Variants in SLC24A2 observed in about 807,000 individuals in gnomAD.
SLC24A2 encodes sodium/potassium/calcium exchanger 2.
Under a neutral mutation model 62.0 loss-of-function variants are expected in SLC24A2, and 36 were observed. The observed-to-expected ratio is 0.58, with a 90% CI of 0.44 to 0.77. SLC24A2 has a LOEUF of 0.77. Among genes scored for constraint, SLC24A2 ranks in the 30% least tolerant of loss-of-function variants. SLC24A2 has a pLI of 0.00. For synonymous variants in SLC24A2, 358 were observed against 294.0 expected, an observed-to-expected ratio of 1.22 and a Z score of -2.23; for missense variants, 846 against 817.9, an observed-to-expected ratio of 1.03 and a Z score of -0.42.
At chr9:20,026,941 C>G in the SLC24A2 span, among the ~76,000 whole-genome samples, 1 of 151,894 alleles carries the variant, frequency 6.6e-6, no homozygotes, top group Non-Finnish European at 1.5e-5. Flanking sequence ...GGGTTGATGT[C>G]CAAAATATAT....
At chr9:20,195,777 T>TAA in the SLC24A2 span, among the ~76,000 whole-genome samples, 1 of 151,998 alleles carries the variant, frequency 6.6e-6, no homozygotes, top group Non-Finnish European at 1.5e-5. Flanking sequence ...ATTTCCCACT[T>TAA]AAAATAGTCT....
the SLC24A2 span, among the ~76,000 whole-genome samples, chr9:20,056,525 G>A: frequency 6.6e-6 from 1 of 152,102 alleles, no homozygotes; most frequent in African/African-American, 2.4e-5. Flanking sequence ...TGAGTACACA[G>A]CTTTTCTTAA....
intron 2 of SLC24A2, among the ~76,000 whole-genome samples, chr9:19,716,471 T>C (rs1472219686): frequency 6.6e-6 from 1 of 152,216 alleles, no homozygotes; most frequent in African/African-American, 2.4e-5. Flanking sequence ...ACTACATGTA[T>C]GAAGGCTTTC....
intron 4 of SLC24A2, among the ~76,000 whole-genome samples, chr9:19,600,791 T>C (rs1836820736): frequency 6.6e-6 from 1 of 152,096 alleles, no homozygotes; most frequent in South Asian, 2.1e-4. Flanking sequence ...GCAAGAAAAA[T>C]GGGACCTAGA....
rs1823260502 is a variant in SLC24A2 at position 19,788,900 on chromosome 9, G to A, written c.-169C>T. On this transcript the variant is annotated 5_prime_UTR_variant, in exon 1 of 11. Coordinates refer to ENST00000341998, the MANE Select transcript of SLC24A2 (RefSeq NM_020344.4). ...CCGCACTTACCAGGATAAGATGGGA[G>A]GACGCGCACACGGCGGGGCCCCCGA... 2 of 985,384 alleles carry A rather than the reference G, an allele frequency of 2.0e-6. No individual in the cohort carries two copies. The highest frequency in any genetic ancestry group is 3.5e-5 in the African/African-American group (2 of 57,374). 61.0% of individuals were successfully genotyped at this position (985,384 alleles called of 1,614,324 possible).
At chr9:20,182,196 C>T in the SLC24A2 span, among the ~76,000 whole-genome samples, 6 of 152,184 alleles carry the variant, frequency 3.9e-5, no homozygotes, top group African/African-American at 1.2e-4. Flanking sequence ...TAAATTAGTT[C>T]AACCATTGTG....
chr9:19,593,683 T>A (rs1836622201), intron 5 of SLC24A2, among the ~76,000 whole-genome samples: 1 of 152,178 alleles, frequency 6.6e-6, no homozygotes, highest in Non-Finnish European at 1.5e-5. Context: ...CTCCCTATGC[T>A]GTAGCCAATT....
At chr9:19,550,373 T>C in intron 7 of SLC24A2, 105 bp from the exon 8 acceptor site, 1 of 1,201,920 alleles carries the variant, frequency 8.3e-7, no homozygotes, top group Non-Finnish European at 1.2e-6. Context: ...TCTTATCAGT[T>C]TTCTGGACTC....
intron 2 of SLC24A2, among the ~76,000 whole-genome samples, chr9:19,713,031 A>T (rs1203231855): frequency 6.6e-6 from 1 of 152,134 alleles, no homozygotes; most frequent in Non-Finnish European, 1.5e-5. Flanking sequence ...TGTCACCTCC[A>T]GGGAATCTTT....
intron 2 of SLC24A2, among the ~76,000 whole-genome samples, chr9:19,702,837 C>T (rs1235833008): frequency 6.6e-6 from 1 of 151,830 alleles, no homozygotes. Context: ...ATATTGCTTG[C>T]CATAAATAGA....
At chr9:19,537,068 ATTTG>A (rs1203701473) in intron 8 of SLC24A2, among the ~76,000 whole-genome samples, 1 of 150,820 alleles carries the variant, frequency 6.6e-6, no homozygotes, top group Admixed American at 6.6e-5. Flanking sequence ...TTTCTTGTAA[ATTTG>A]TTTGAGTTCA....
the SLC24A2 span, among the ~76,000 whole-genome samples, chr9:19,846,944 C>A: frequency 6.6e-6 from 1 of 152,008 alleles, no homozygotes; most frequent in Non-Finnish European, 1.5e-5. Context: ...ATCACTTGAA[C>A]TTGGAATGTC....
At chr9:20,282,416 T>C in the SLC24A2 span, among the ~76,000 whole-genome samples, 1 of 152,190 alleles carries the variant, frequency 6.6e-6, no homozygotes, top group African/African-American at 2.4e-5. Flanking sequence ...ATATTATGTG[T>C]CAAGTGCATT....
the SLC24A2 span, among the ~76,000 whole-genome samples, chr9:19,942,597 A>G: frequency 5.3e-5 from 8 of 152,358 alleles, 1 homozygote; most frequent in South Asian, 1.7e-3. Flanking sequence ...AGCGCATCGC[A>G]TTCTTAATTT....
At chr9:20,073,148 G>A in the SLC24A2 span, among the ~76,000 whole-genome samples, 1 of 152,298 alleles carries the variant, frequency 6.6e-6, no homozygotes, top group Middle Eastern at 3.4e-3. Flanking sequence ...CTGCTGTTCA[G>A]GTCTCACCAA....
intron 7 of SLC24A2, among the ~76,000 whole-genome samples, chr9:19,560,208 A>G (rs1835322728): frequency 6.6e-6 from 1 of 152,118 alleles, no homozygotes; most frequent in Admixed American, 6.5e-5. Context: ...AGACCATATG[A>G]TAGAAACCAG....
At chr9:19,961,142 AG>A in the SLC24A2 span, among the ~76,000 whole-genome samples, 1 of 6,230 alleles carries the variant, frequency 1.6e-4, no homozygotes, top group African/African-American at 4.6e-4. Flanking sequence ...AAGAAAGGGG[AG>A]AGAGAGAGAG....
chr9:20,155,813 A>G, the SLC24A2 span, among the ~76,000 whole-genome samples: 74 of 151,920 alleles, frequency 4.9e-4, no homozygotes, highest in Admixed American at 3.3e-3. Flanking sequence ...GTTTCTGAAT[A>G]GTATTTGAAA....
chr9:19,943,095 A>G, the SLC24A2 span, among the ~76,000 whole-genome samples: 1 of 152,226 alleles, frequency 6.6e-6, no homozygotes, highest in Non-Finnish European at 1.5e-5. Context: ...CAATTTTGGT[A>G]TATTTTAAAT....
Sources: allele counts gnomAD v4.1 joint callset (sites outside exome capture counted in the v4.1 genomes callset), GRCh38; gene constraint gnomAD v4.1.1; transcripts MANE v1.5; gene names NCBI Gene and HGNC (gene_info 2026-07-23, HGNC 2026-07-21).